The following JAM3 variants were observed in gnomAD, a reference collection of about 807,000 sequenced individuals.
The protein encoded by JAM3 is junctional adhesion molecule 3.
A neutral mutation model predicts 39.4 loss-of-function variants in JAM3; 31 were observed. That is an observed-to-expected ratio of 0.79 (90% CI 0.59 to 1.06). The LOEUF is 1.06. Ranked by LOEUF, JAM3 falls within the 50% of genes least tolerant of loss-of-function variation. The probability of loss-of-function intolerance (pLI) is 0.00; values close to 1 mark genes in which losing one functional copy is unlikely to be tolerated. For synonymous variants in JAM3, 182 were observed against 148.7 expected (o/e 1.22, Z -1.63); for missense variants, 455 against 391.4 (o/e 1.16, Z -1.37).
At chr11:134,074,228 G>A (rs1941528553) in intron 1 of JAM3, among the ~76,000 whole-genome samples, 1 of 152,128 alleles carries the variant, frequency 6.6e-6, no homozygotes, top group Non-Finnish European at 1.5e-5. Flanking sequence ...ACAGCAAATT[G>A]TTTTCTGCTT....
rs71038561 is a variant in JAM3 at position 134,111,133 on chromosome 11, C to CTTTTTTTTTTTT, written c.77-28701_77-28690dup. Among the ~76,000 whole-genome samples, 48 of 86,776 alleles carry CTTTTTTTTTTTT rather than the reference C, an allele frequency of 5.5e-4. 8 individuals are homozygous for CTTTTTTTTTTTT. The highest frequency in any genetic ancestry group is 2.6e-3 in the African/African-American group (47 of 18,144). 56.9% of individuals were successfully genotyped at this position (86,776 alleles called of 152,430 possible). On this transcript the variant is annotated intron_variant, in intron 1 of 8. Transcript: ENST00000299106. ...TGTACCATACCCAACACACATCCAT[C>CTTTTTTTTTTTT]TTTTTTTTTTTTTTTTTTTTTTTTT...
chr11:134,114,662 C>T (rs986774170), intron 1 of JAM3, among the ~76,000 whole-genome samples: 1 of 152,108 alleles, frequency 6.6e-6, no homozygotes, highest in Non-Finnish European at 1.5e-5. Context: ...TTTTCAGATG[C>T]CTTTCTGTAC....
chr11:134,102,933 A>G (rs944777523), intron 1 of JAM3, among the ~76,000 whole-genome samples: 6 of 152,172 alleles, frequency 3.9e-5, no homozygotes, highest in African/African-American at 1.4e-4. Flanking sequence ...GTTGGAAAAC[A>G]CTCTGCAGGA....
chr11:134,144,154 A>T (rs1315626180), intron 3 of JAM3, 87 bp from the exon 4 acceptor site: 2 of 1,286,944 alleles, frequency 1.6e-6, no homozygotes, highest in East Asian at 2.3e-5. Flanking sequence ...TTGCTGTGGC[A>T]TCTAGTGCTA....
intron 1 of JAM3, among the ~76,000 whole-genome samples, chr11:134,103,828 C>T (rs954317514): frequency 6.6e-6 from 1 of 152,150 alleles, no homozygotes; most frequent in African/African-American, 2.4e-5. Flanking sequence ...AATATATATG[C>T]ACTCAATACA....
chr11:134,140,639 T>A lies in JAM3; in HGVS notation c.143-18T>A. 6.2e-7 allele frequency: 1 copy of A among 1,605,146 alleles called. No homozygotes were observed. Among genetic ancestry groups the A allele is most frequent in the Non-Finnish European group, 8.5e-7 (1 of 1,171,970 alleles). ...ACTCCACATTCACCGAGAGCTCTTT[T>A]TCTTCTTTGCGTGTTAGGTGTGGAA... is the stretch of plus-strand genomic sequence containing the variant. On this transcript the variant is annotated intron_variant, in intron 2 of 8. Coordinates refer to ENST00000299106, the MANE Select transcript of JAM3 (RefSeq NM_032801.5).
chr11:134,095,597 C>T (rs549558737), intron 1 of JAM3, among the ~76,000 whole-genome samples: 3 of 150,934 alleles, frequency 2.0e-5, no homozygotes, highest in South Asian at 4.2e-4. Flanking sequence ...CGCCACTGCA[C>T]TCCAGCCTGG....
chr11:134,111,517 A>AG (rs1591789006), intron 1 of JAM3, among the ~76,000 whole-genome samples: 1 of 152,124 alleles, frequency 6.6e-6, no homozygotes, highest in Non-Finnish European at 1.5e-5. Context: ...AGTGTTAAAG[A>AG]GGAAGAAACT....
intron 1 of JAM3, among the ~76,000 whole-genome samples, chr11:134,069,853 C>T (rs1565479084): frequency 1.3e-5 from 2 of 152,196 alleles, no homozygotes; most frequent in Admixed American, 1.3e-4. Context: ...AACTGCTTTT[C>T]TTTTACAGAA....
At chr11:134,113,800 G>A (rs546503698) in intron 1 of JAM3, among the ~76,000 whole-genome samples, 2 of 152,318 alleles carry the variant, frequency 1.3e-5, no homozygotes, top group South Asian at 4.1e-4. Context: ...CTAGTTTACA[G>A]TCCCACCAAC....
intron 1 of JAM3, among the ~76,000 whole-genome samples, chr11:134,123,554 C>T (rs944333002): frequency 1.4e-4 from 21 of 152,194 alleles, no homozygotes; most frequent in African/African-American, 5.1e-4. Flanking sequence ...TAATTCAATC[C>T]TGGCAGAAAT....
At chr11:134,147,657 T>G (rs1366130768) in intron 6 of JAM3, 1 of 151,590 alleles carries the variant, frequency 6.6e-6, no homozygotes, top group Non-Finnish European at 1.5e-5. Flanking sequence ...CAGCCAATTT[T>G]TTGTGTTTCT....
intron 1 of JAM3, among the ~76,000 whole-genome samples, chr11:134,116,002 T>G (rs1428434660): frequency 6.6e-6 from 1 of 152,196 alleles, no homozygotes; most frequent in Non-Finnish European, 1.5e-5. Context: ...ATGTTGCTGG[T>G]ATTGCTACCC....
chr11:134,099,966 A>G (rs1208595268), intron 1 of JAM3, among the ~76,000 whole-genome samples: 1 of 152,142 alleles, frequency 6.6e-6, no homozygotes, highest in African/African-American at 2.4e-5. Context: ...TTTTCCAATA[A>G]TGTCACCCAA....
Position 134,144,840 on chromosome 11 carries a change from G to T in JAM3, c.458G>T (p.Gly153Val). Residue 153 changes from glycine to valine, a missense_variant, in exon 5 of 9, where the codon GGC (glycine) becomes GTC (valine). By Grantham distance (109) the Gly-to-Val change is moderately radical (BLOSUM62 -3). Coordinates refer to ENST00000299106, the MANE Select transcript of JAM3 (RefSeq NM_032801.5). ...VCRVPKAVPV[G>V]KMATLHCQES... ...AGAGTGCCGAAGGCTGTACCAGTAG[G>T]CAAGATGGCAACACTGCACTGCCAG... 6.2e-7 allele frequency: 1 copy of T among 1,614,194 alleles called. No homozygotes were observed. The highest frequency in any genetic ancestry group is 8.5e-7 in the Non-Finnish European group (1 of 1,180,038).
At chr11:134,120,174 G>A (rs571762507) in intron 1 of JAM3, among the ~76,000 whole-genome samples, 1 of 152,180 alleles carries the variant, frequency 6.6e-6, no homozygotes. Context: ...GTACAGCAGC[G>A]GTCTGCTGTG....
rs563571206 is a variant in JAM3, at chr11:134,095,498, G to A, written c.76+26339G>A. Among the ~76,000 whole-genome samples, 23 of 152,142 alleles carry A rather than the reference G, an allele frequency of 1.5e-4. No homozygotes were observed. The South Asian group carries it at 3.1e-3, about 21-fold the overall frequency. On this transcript the variant is annotated intron_variant, in intron 1 of 8. Transcript: ENST00000299106. ...TACAAAAAATTAACTGGTTGTGGTGGCACATGCCTATAATCCCAACTATTC... is the reference window on the plus strand; with the variant it reads ...TACAAAAAATTAACTGGTTGTGGTGACACATGCCTATAATCCCAACTATTC...
intron 1 of JAM3, among the ~76,000 whole-genome samples, chr11:134,115,435 T>C (rs1305128303): frequency 6.6e-6 from 1 of 152,230 alleles, no homozygotes; most frequent in Non-Finnish European, 1.5e-5. Context: ...TGTTCTTTTG[T>C]TCTTTTTATG....
chr11:134,085,863 G>A (rs1235384705), intron 1 of JAM3, among the ~76,000 whole-genome samples: 1 of 152,154 alleles, frequency 6.6e-6, no homozygotes, highest in Non-Finnish European at 1.5e-5. Flanking sequence ...TGGGAGTGGG[G>A]CAGGTACTTC....
Sources: gnomAD v4.1 joint callset for allele counts (sites outside exome capture counted in the v4.1 genomes callset) on GRCh38, gnomAD v4.1.1 for gene constraint, MANE v1.5 for transcripts, NCBI Gene and HGNC (gene_info 2026-07-23, HGNC 2026-07-21) for gene names.